Variants in MACROD2 observed in about 807,000 individuals in gnomAD.
The protein encoded by MACROD2 is ADP-ribose glycohydrolase MACROD2.
A neutral mutation model predicts 70.4 loss-of-function variants in MACROD2; 36 were observed. That is an observed-to-expected ratio of 0.51 (90% CI 0.39 to 0.68). The LOEUF (loss-of-function observed/expected upper bound fraction) is 0.68, where lower values mean the gene tolerates loss of function less well. Ranked by LOEUF, MACROD2 falls within the 30% of genes least tolerant of loss-of-function variation. The probability of loss-of-function intolerance (pLI) is 0.00; values close to 1 mark genes in which losing one functional copy is unlikely to be tolerated. For synonymous variants in MACROD2, 172 were observed against 178.8 expected, an observed-to-expected ratio of 0.96 and a Z score of 0.30; for missense variants, 496 against 538.4, an observed-to-expected ratio of 0.92 and a Z score of 0.78.
chr20:15,429,657 T>C (rs1369309356), intron 6 of MACROD2, among the ~76,000 whole-genome samples: 1 of 152,154 alleles, frequency 6.6e-6, no homozygotes, highest in Admixed American at 6.6e-5. Flanking sequence ...TTTATTATTA[T>C]TGACCTCAAT....
chr20:14,294,641 A>G (rs1042591139), intron 3 of MACROD2, among the ~76,000 whole-genome samples: 2 of 151,864 alleles, frequency 1.3e-5, no homozygotes, highest in Non-Finnish European at 2.9e-5. Context: ...CATAACGTGT[A>G]TATCATAGAA....
intron 13 of MACROD2, among the ~76,000 whole-genome samples, chr20:15,984,502 G>A (rs550894859): frequency 2.0e-4 from 30 of 151,354 alleles, no homozygotes; most frequent in Non-Finnish European, 3.4e-4. Context: ...TTTCTTTCAC[G>A]ACTTTTGCAG....
At chr20:15,177,898 A>C (rs974939127) in intron 5 of MACROD2, among the ~76,000 whole-genome samples, 1 of 151,646 alleles carries the variant, frequency 6.6e-6, no homozygotes, top group African/African-American at 2.4e-5. Context: ...TCATTTGCTT[A>C]CCCTAGATGC....
At chr20:15,296,292 AAG>A (rs1432949195) in intron 6 of MACROD2, among the ~76,000 whole-genome samples, 14 of 152,308 alleles carry the variant, frequency 9.2e-5, no homozygotes, top group African/African-American at 2.6e-4. Context: ...TAAAAATTAG[AAG>A]AGAGGGGGAT....
intron 4 of MACROD2, among the ~76,000 whole-genome samples, chr20:14,664,781 T>G (rs1414712422): frequency 3.9e-5 from 6 of 151,940 alleles, no homozygotes; most frequent in African/African-American, 1.2e-4. Flanking sequence ...TTCAAAACCA[T>G]CCTTAAAGAA....
intron 8 of MACROD2, among the ~76,000 whole-genome samples, chr20:15,703,634 C>T (rs948432445): frequency 1.3e-5 from 2 of 152,124 alleles, no homozygotes; most frequent in Admixed American, 1.3e-4. Context: ...CTTGTAGTTT[C>T]CGTGGGGCAG....
intron 3 of MACROD2, among the ~76,000 whole-genome samples, chr20:14,221,621 A>G (rs948908552): frequency 6.6e-6 from 1 of 152,222 alleles, no homozygotes; most frequent in African/African-American, 2.4e-5. Context: ...AACAAAAACA[A>G]AAATAGACAA....
intron 8 of MACROD2, among the ~76,000 whole-genome samples, chr20:15,567,438 C>T (rs938052895): frequency 2.0e-5 from 3 of 152,082 alleles, no homozygotes; most frequent in Non-Finnish European, 2.9e-5. Flanking sequence ...GATGCCAGGA[C>T]GCGCTGCCAA....
intron 4 of MACROD2, among the ~76,000 whole-genome samples, chr20:14,578,514 A>T (rs1980770950): frequency 1.3e-5 from 2 of 152,142 alleles, no homozygotes; most frequent in South Asian, 4.1e-4. Flanking sequence ...GTTCAGTCAA[A>T]TATTTACTTG....
At chr20:14,615,045 G>A (rs1445203469) in intron 4 of MACROD2, among the ~76,000 whole-genome samples, 1 of 152,074 alleles carries the variant, frequency 6.6e-6, no homozygotes, top group East Asian at 1.9e-4. Context: ...TGAAATAATT[G>A]GACAGGGAAA....
intron 17 of MACROD2, among the ~76,000 whole-genome samples, chr20:16,046,443 A>G (rs2067382578): frequency 6.6e-6 from 1 of 152,022 alleles, no homozygotes; most frequent in African/African-American, 2.4e-5. Context: ...AAACTTGAAC[A>G]ATTTAAATGC....
At position 14,684,893 on chromosome 20, in the gene MACROD2, C is replaced by G; in HGVS notation, c.352C>G (p.Arg118Gly). 8 of 1,613,970 alleles carry G rather than the reference C, an allele frequency of 5.0e-6. No individual in the cohort carries two copies. The highest frequency in any genetic ancestry group is 6.8e-6 in the Non-Finnish European group (8 of 1,179,934). ...AAGPCLLAEC[R>G]NLNGCDTGHA... ...CGGCCCCTGTTTGCTAGCTGAATGT[C>G]GTAACCTGAATGGCTGTGATACTGG... is the stretch of plus-strand genomic sequence containing the variant. Residue 118 changes from arginine to glycine, a missense_variant, in exon 5 of 18, where the codon CGT becomes GGT. Arg to Gly is a moderately radical substitution (Grantham distance 125). Coordinates refer to ENST00000684519, the MANE Select transcript of MACROD2 (RefSeq NM_001351661.2).
chr20:15,237,046 A>G (rs1043252226), intron 6 of MACROD2, among the ~76,000 whole-genome samples: 1 of 152,160 alleles, frequency 6.6e-6, no homozygotes, highest in Non-Finnish European at 1.5e-5. Context: ...GTGGGCAGGG[A>G]CAGGGATGTT....
rs140331286 is a variant in MACROD2, at chr20:15,066,072, G to A, written c.419-163868G>A. 6.5e-4 allele frequency among the ~76,000 whole-genome samples: 99 copies of A among 151,958 alleles called. No individual in the cohort carries two copies. In the East Asian group the frequency reaches 0.018, roughly 28 times the overall value. On this transcript the variant is annotated intron_variant, in intron 5 of 17. Coordinates refer to ENST00000684519, the MANE Select transcript of MACROD2 (RefSeq NM_001351661.2). ...GGCAGTGTTCTCATGTTAGAGGTCG[G>A]AAGCTCCCAGAGGGGAAAGTGAAAA...
intron 3 of MACROD2, among the ~76,000 whole-genome samples, chr20:14,165,477 T>C (rs1324251470): frequency 6.6e-6 from 1 of 152,166 alleles, no homozygotes; most frequent in Non-Finnish European, 1.5e-5. Flanking sequence ...TCTTAGAGGA[T>C]CTATTTTAAG....
chr20:14,623,991 C>A (rs890559806), intron 4 of MACROD2, among the ~76,000 whole-genome samples: 1 of 152,196 alleles, frequency 6.6e-6, no homozygotes, highest in Non-Finnish European at 1.5e-5. Flanking sequence ...AGTCTTGCCC[C>A]AGGGCTATGT....
chr20:15,139,937 C>A (rs2076179247), intron 5 of MACROD2, among the ~76,000 whole-genome samples: 1 of 152,144 alleles, frequency 6.6e-6, no homozygotes, highest in Non-Finnish European at 1.5e-5. Context: ...CAGTTCGCAA[C>A]TGAAAAAAGA....
intron 15 of MACROD2, among the ~76,000 whole-genome samples, chr20:16,004,386 G>C (rs538244629): frequency 9.9e-5 from 15 of 152,134 alleles, no homozygotes; most frequent in African/African-American, 3.6e-4. Context: ...CCTGTGGTAC[G>C]CAAAATGCAT....
chr20:14,942,085 C>T (rs561777454), intron 5 of MACROD2, among the ~76,000 whole-genome samples: 11 of 151,964 alleles, frequency 7.2e-5, no homozygotes, highest in Non-Finnish European at 1.3e-4. Context: ...AGGTGCATGC[C>T]CCTGCACCCA....
Sources: gnomAD v4.1 joint callset for allele counts (sites outside exome capture counted in the v4.1 genomes callset) on GRCh38, gnomAD v4.1.1 for gene constraint, MANE v1.5 for transcripts, NCBI Gene and HGNC (gene_info 2026-07-23, HGNC 2026-07-21) for gene names.